The following TBC1D16 variants were observed in gnomAD, a reference collection of about 807,000 sequenced individuals.
TBC1D16 encodes CTD-2529O21.1.
Under a neutral mutation model 74.7 loss-of-function variants are expected in TBC1D16, and 58 were observed. The ratio of observed to expected loss-of-function variants is 0.78; its 90% CI spans 0.63 to 0.97. The LOEUF (loss-of-function observed/expected upper bound fraction) is 0.97. Ranked by LOEUF, TBC1D16 falls within the 50% of genes least tolerant of loss-of-function variation. TBC1D16 has a pLI of 0.00. For synonymous variants in TBC1D16, 493 were observed against 474.7 expected (o/e 1.04, Z -0.50); for missense variants, 1,014 against 1,079.5 (o/e 0.94, Z 0.85).
intron 3 of TBC1D16, among the ~76,000 whole-genome samples, chr17:79,960,228 C>T (rs1247296645): frequency 6.6e-6 from 1 of 152,064 alleles, no homozygotes; most frequent in Non-Finnish European, 1.5e-5. Context: ...AATCATCATT[C>T]TATACAGAAT....
intron 3 of TBC1D16, among the ~76,000 whole-genome samples, chr17:79,966,869 G>A (rs1022615380): frequency 4.6e-5 from 7 of 152,048 alleles, no homozygotes; most frequent in African/African-American, 2.4e-5. Context: ...GACCAAGTGC[G>A]GTTTATCTCA....
chr17:80,013,885 A>G (rs745974438), intron 1 of TBC1D16, among the ~76,000 whole-genome samples: 8 of 152,174 alleles, frequency 5.3e-5, no homozygotes, highest in African/African-American at 1.7e-4. Context: ...GCTTTGCCAA[A>G]TGTGCCCTGG....
Position 79,934,080 on chromosome 17 carries a change from C to G in TBC1D16, c.*6779G>C, listed in dbSNP as rs2031431742. 6.6e-6 allele frequency: 1 copy of G among 152,246 alleles called. No homozygotes were observed. Among genetic ancestry groups the G allele is most frequent in the African/African-American group, 2.4e-5 (1 of 41,466 alleles). The allele number at this position is 152,246 out of a possible 1,614,324, so 9.4% of individuals were successfully genotyped here. A position where few individuals can be genotyped will look rare whatever the true frequency, so the allele number is the denominator to read the frequency against. ...GCCAGCCCTGAGGGCTGCGGGACAA[C>G]AGAGAGCCGGGCCTGCCCGAGGCAC... On this transcript the variant is annotated 3_prime_UTR_variant, in exon 12 of 12. Transcript: ENST00000310924.
chr17:80,026,406 C>A (rs1299471498), intron 1 of TBC1D16, among the ~76,000 whole-genome samples: 2 of 149,944 alleles, frequency 1.3e-5, no homozygotes, highest in South Asian at 4.2e-4. Flanking sequence ...GCCTGGGTGA[C>A]AGAGGGAGAC....
At position 80,008,697 on chromosome 17, in the gene TBC1D16, C is replaced by G. The variant is rs2035767925; in HGVS notation, c.779+1463G>C. On this transcript the variant is annotated intron_variant, in intron 3 of 11. Coordinates refer to ENST00000310924, the MANE Select transcript of TBC1D16 (RefSeq NM_019020.4). The surrounding 1 kb of genome is among the most constrained non-coding windows in gnomAD (Gnocchi z 4.5). ...GCCTGACGCCACCCAGCTCAGCAAG[C>G]CTCCTGGCACCTGGAGTCCTCAGTT... Among the ~76,000 whole-genome samples, 2 of 152,214 alleles carry G rather than the reference C, an allele frequency of 1.3e-5. No homozygotes were observed. The highest frequency in any genetic ancestry group is 2.9e-5 in the Non-Finnish European group (2 of 68,036).
intron 1 of TBC1D16, among the ~76,000 whole-genome samples, chr17:80,019,597 G>C (rs1008109976): frequency 6.7e-6 from 1 of 149,870 alleles, no homozygotes; most frequent in African/African-American, 2.5e-5. Context: ...CTATTTCATC[G>C]AAATCCAACC....
rs548358053 is a variant in TBC1D16 at position 79,990,730 on chromosome 17, T to C, written c.779+19430A>G. ...CTTCTTCCCAAACTGAAGCTTTGTCTCCATGAAACACCAGCTCCCCAACGT... is the reference window on the plus strand; with the variant it reads ...CTTCTTCCCAAACTGAAGCTTTGTCCCCATGAAACACCAGCTCCCCAACGT... On this transcript the variant is annotated intron_variant, in intron 3 of 11. Coordinates refer to ENST00000310924, the MANE Select transcript of TBC1D16 (RefSeq NM_019020.4). The surrounding 1 kb of genome is among the most constrained non-coding windows in gnomAD (Gnocchi z 4.8). 9.9e-5 allele frequency among the ~76,000 whole-genome samples: 15 copies of C among 152,266 alleles called. No individual in the cohort carries two copies. In the South Asian group the frequency reaches 1.5e-3, roughly 15 times the overall value.
At chr17:79,970,410 G>T (rs558047751) in intron 3 of TBC1D16, among the ~76,000 whole-genome samples, 1 of 152,272 alleles carries the variant, frequency 6.6e-6, no homozygotes, top group South Asian at 2.1e-4. Context: ...CTTTAAAAGG[G>T]TGACTTTTAT....
chr17:79,943,495 C>G (rs1420471420), intron 10 of TBC1D16, among the ~76,000 whole-genome samples: 1 of 152,174 alleles, frequency 6.6e-6, no homozygotes, highest in Non-Finnish European at 1.5e-5. Flanking sequence ...GGTCACTGAA[C>G]AGTTAAAGGC....
intron 3 of TBC1D16, among the ~76,000 whole-genome samples, chr17:79,958,763 C>G (rs561143149): frequency 4.6e-5 from 7 of 152,246 alleles, no homozygotes; most frequent in Middle Eastern, 3.4e-3. Flanking sequence ...ATAAAGGCAC[C>G]CACAGATATT....
At chr17:80,025,128 C>CACATACACACAA (rs1291091484) in intron 1 of TBC1D16, among the ~76,000 whole-genome samples, 3,659 of 76,140 alleles carry the variant, frequency 0.048, 629 homozygotes, top group African/African-American at 0.095. Context: ...CAGACACACA[C>CACATACACACAA]ACACCATAGG....
At position 79,958,984 on chromosome 17, in the gene TBC1D16, C is replaced by A. The variant is rs891100442; in HGVS notation, c.780-6166G>T. On this transcript the variant is annotated intron_variant, in intron 3 of 11. Transcript: ENST00000310924. ...CCTATTTTCAGTTGATACAACTGTT[C>A]ATCTGAAAAACCTCATGGAATTTAT... 3.3e-5 allele frequency among the ~76,000 whole-genome samples: 5 copies of A among 152,212 alleles called. No homozygotes were observed. In the East Asian group the frequency reaches 9.6e-4, roughly 29 times the overall value.
intron 3 of TBC1D16, among the ~76,000 whole-genome samples, chr17:79,960,779 C>CAA (rs746450905): frequency 0.012 from 396 of 33,942 alleles, 152 homozygotes; most frequent in Middle Eastern, 0.056. Context: ...AACAAAAACC[C>CAA]AAAAAAAAAA....
At position 79,960,779 on chromosome 17, in the gene TBC1D16, C is replaced by CAAA. The variant is rs746450905; in HGVS notation, c.780-7964_780-7962dup. Among the ~76,000 whole-genome samples, 58 of 33,948 alleles carry CAAA rather than the reference C, an allele frequency of 1.7e-3. 14 individuals are homozygous for CAAA. Among genetic ancestry groups the CAAA allele is most frequent in the East Asian group, 2.2e-3 (2 of 930 alleles). 22.3% of individuals were successfully genotyped at this position (33,948 alleles called of 152,430 possible). A position where few individuals can be genotyped will look rare whatever the true frequency, so the allele number is the denominator to read the frequency against. On this transcript the variant is annotated intron_variant, in intron 3 of 11. Transcript: ENST00000310924. ...CAAAAAAACCCAAAAAACAAAAACC[C>CAAA]AAAAAAAAAAAAAAAAAAAAAAAAA...
chr17:79,951,398 G>C (rs901691979), intron 5 of TBC1D16, 52 bp downstream of exon 5: 9 of 1,589,608 alleles, frequency 5.7e-6, no homozygotes, highest in Non-Finnish European at 7.7e-6. Context: ...GGGGCCCGTG[G>C]GGGGTGGGGA....
At chr17:79,997,093 C>T (rs1317359656) in intron 3 of TBC1D16, among the ~76,000 whole-genome samples, 1 of 152,192 alleles carries the variant, frequency 6.6e-6, no homozygotes, top group Non-Finnish European at 1.5e-5. Flanking sequence ...AGTGGTTGCC[C>T]TGTGCCAGGG....
chr17:79,972,387 C>T (rs944520564), intron 3 of TBC1D16, among the ~76,000 whole-genome samples: 1 of 152,102 alleles, frequency 6.6e-6, no homozygotes, highest in East Asian at 1.9e-4. Flanking sequence ...ATGTTGGCCA[C>T]GCTGGTCTCG....
chr17:79,995,592 T>C (rs1011337093), intron 3 of TBC1D16, among the ~76,000 whole-genome samples: 1 of 146,058 alleles, frequency 6.8e-6, no homozygotes, highest in Non-Finnish European at 1.5e-5. Flanking sequence ...AAGATCATCC[T>C]GGCTAACACA....
At chr17:80,024,564 G>GATAC (rs2036457811) in intron 1 of TBC1D16, among the ~76,000 whole-genome samples, 1 of 130,222 alleles carries the variant, frequency 7.7e-6, no homozygotes, top group East Asian at 2.3e-4. Context: ...CACCACACAC[G>GATAC]ACACACCATA....
Sources: gnomAD v4.1 joint callset for allele counts (sites outside exome capture counted in the v4.1 genomes callset) on GRCh38, gnomAD v4.1.1 for gene constraint, Gnocchi (gnomAD v3.1) non-coding constraint, MANE v1.5 for transcripts, NCBI Gene and HGNC (gene_info 2026-07-23, HGNC 2026-07-21) for gene names.